The following MYT1L variants were observed in gnomAD, a reference collection of about 807,000 sequenced individuals.
MYT1L encodes myelin transcription factor 1-like protein.
Under a neutral mutation model 126.7 loss-of-function variants are expected in MYT1L, and 12 were observed. That is an observed-to-expected ratio of 0.09 (90% CI 0.06 to 0.15). The LOEUF (loss-of-function observed/expected upper bound fraction) is 0.15. Ranked by LOEUF, MYT1L falls within the 10% of genes least tolerant of loss-of-function variation. The pLI, the probability that MYT1L is intolerant of heterozygous loss-of-function variation, is 1.00. For missense variants in MYT1L, 979 were observed against 1,585.2 expected (o/e 0.62, Z 6.49); for synonymous variants, 541 against 604.2 (o/e 0.90, Z 1.53).
intron 8 of MYT1L, among the ~76,000 whole-genome samples, chr2:1,959,241 C>G (rs537958964): frequency 6.6e-6 from 1 of 152,322 alleles, no homozygotes; most frequent in African/African-American, 2.4e-5. Context: ...GATCATGCTC[C>G]TGGGCTTCCT....
At chr2:2,263,500 G>T (rs765154791) in intron 2 of MYT1L, among the ~76,000 whole-genome samples, 1 of 152,100 alleles carries the variant, frequency 6.6e-6, no homozygotes, top group Non-Finnish European at 1.5e-5. Flanking sequence ...TCCTAAAAAG[G>T]CCTTTTGCAC....
intron 8 of MYT1L, among the ~76,000 whole-genome samples, chr2:1,965,454 G>GGC (rs1268971979): frequency 7.1e-6 from 1 of 141,128 alleles, no homozygotes; most frequent in Admixed American, 7.1e-5. Context: ...GGAGGACTCA[G>GGC]ACTCTGTGAC....
chr2:1,886,171 C>T (rs971521808), intron 18 of MYT1L: 10 of 170,588 alleles, frequency 5.9e-5, no homozygotes, highest in African/African-American at 1.7e-4. Context: ...GTAAATACTG[C>T]TATGAATTTC....
chr2:2,015,108 G>T (rs985916216), intron 4 of MYT1L, among the ~76,000 whole-genome samples: 3 of 152,200 alleles, frequency 2.0e-5, no homozygotes, highest in Admixed American at 1.3e-4. Context: ...AGGTGTCCTG[G>T]TGTGGGATGA....
At chr2:2,267,357 T>C (rs1467987057) in intron 2 of MYT1L, among the ~76,000 whole-genome samples, 1 of 152,162 alleles carries the variant, frequency 6.6e-6, no homozygotes, top group African/African-American at 2.4e-5. Context: ...GTGGAGTGAA[T>C]TCCGAAGATC....
At chr2:1,854,301 TTAAAG>T (rs1368031982) in intron 18 of MYT1L, among the ~76,000 whole-genome samples, 2 of 152,180 alleles carry the variant, frequency 1.3e-5, no homozygotes, top group East Asian at 3.9e-4. Context: ...TGATTAGTCT[TTAAAG>T]TAGGGCTTTT....
chr2:1,808,800 G>A (rs888214956), intron 22 of MYT1L, among the ~76,000 whole-genome samples: 3 of 152,204 alleles, frequency 2.0e-5, no homozygotes, highest in African/African-American at 7.2e-5. Context: ...GGCACACTGG[G>A]GTTCCAGGGA....
chr2:2,310,214 C>A (rs1170788244), intron 1 of MYT1L, among the ~76,000 whole-genome samples: 2 of 150,658 alleles, frequency 1.3e-5, no homozygotes, highest in Non-Finnish European at 3.0e-5. Flanking sequence ...ATACTGTACC[C>A]ATACTCCAGT....
At chr2:2,113,011 G>A (rs2079670012) in intron 3 of MYT1L, among the ~76,000 whole-genome samples, 1 of 152,158 alleles carries the variant, frequency 6.6e-6, no homozygotes, top group South Asian at 2.1e-4. Context: ...TCAGCCACTG[G>A]GTGCTGCTGT....
chr2:2,010,780 A>G (rs543181327), intron 4 of MYT1L, among the ~76,000 whole-genome samples: 1 of 152,208 alleles, frequency 6.6e-6, no homozygotes, highest in Non-Finnish European at 1.5e-5. Flanking sequence ...CTACAAAGCA[A>G]CAGCAATCAA....
At chr2:2,152,226 G>C (rs968292640) in intron 3 of MYT1L, among the ~76,000 whole-genome samples, 1 of 152,264 alleles carries the variant, frequency 6.6e-6, no homozygotes, top group African/African-American at 2.4e-5. Flanking sequence ...CACTAGGGAC[G>C]AACTGCTGGG....
intron 3 of MYT1L, among the ~76,000 whole-genome samples, chr2:2,161,430 C>T (rs1020629130): frequency 6.6e-6 from 1 of 152,144 alleles, no homozygotes; most frequent in South Asian, 2.1e-4. Context: ...CAGAGTGACC[C>T]GTGCCTGCAC....
chr2:1,852,056 C>T lies in MYT1L; in HGVS notation c.2712-353G>A, dbSNP rs932055608. Among the ~76,000 whole-genome samples the T allele has an allele frequency of 6.6e-6, 1 of 152,202 alleles. No individual in the cohort carries two copies. Among genetic ancestry groups the T allele is most frequent in the Non-Finnish European group, 1.5e-5 (1 of 68,036 alleles). On this transcript the variant is annotated intron_variant, in intron 18 of 24. Transcript: ENST00000647738. This position sits in a 1 kb window ranked among gnomAD's most constrained non-coding sequence, Gnocchi z 4.0. Reference sequence around the variant, plus strand: ...GAGCCAGCAACCACAGGGCTTGTTACTGCACCAGCCCACGTGGGAAGCAAG... The same window carrying T: ...GAGCCAGCAACCACAGGGCTTGTTATTGCACCAGCCCACGTGGGAAGCAAG...
rs2042775877 is a variant in MYT1L, at chr2:1,848,309, G to C, written c.2774+3332C>G. Among the ~76,000 whole-genome samples, 1 of 51,662 alleles carries C rather than the reference G, an allele frequency of 1.9e-5. No individual in the cohort carries two copies. The highest frequency in any genetic ancestry group is 1.3e-4 in the African/African-American group (1 of 7,694). 33.9% of individuals were successfully genotyped at this position (51,662 alleles called of 152,430 possible). ...ACGGAAGCGCGAGGCATTTGTCCTG[G>C]GAGCAGGAGGAAGAATTCCAGACAC... On this transcript the variant is annotated intron_variant, in intron 19 of 24. Coordinates refer to ENST00000647738, the MANE Select transcript of MYT1L (RefSeq NM_001303052.2). This position sits in a 1 kb window ranked among gnomAD's most constrained non-coding sequence, Gnocchi z 4.8.
At chr2:2,164,590 C>T (rs980567793) in intron 3 of MYT1L, among the ~76,000 whole-genome samples, 5 of 152,172 alleles carry the variant, frequency 3.3e-5, no homozygotes, top group Admixed American at 1.3e-4. Flanking sequence ...CACAATGCCT[C>T]ACATAGGGTA....
intron 3 of MYT1L, among the ~76,000 whole-genome samples, chr2:2,077,488 C>T (rs769329068): frequency 6.6e-6 from 1 of 152,110 alleles, no homozygotes; most frequent in Non-Finnish European, 1.5e-5. Flanking sequence ...AACAAACAGA[C>T]ATGATTCAAT....
At chr2:2,252,163 A>G (rs1029757271) in intron 2 of MYT1L, among the ~76,000 whole-genome samples, 1 of 152,072 alleles carries the variant, frequency 6.6e-6, no homozygotes, top group Non-Finnish European at 1.5e-5. Context: ...GTCTCAGCCA[A>G]CTTTCCTGGC....
At chr2:2,026,681 C>T (rs959687110) in intron 4 of MYT1L, among the ~76,000 whole-genome samples, 4 of 152,202 alleles carry the variant, frequency 2.6e-5, no homozygotes, top group East Asian at 1.9e-4. Flanking sequence ...GCGGCCTCTG[C>T]CTGCCTCCCC....
At chr2:1,966,007 G>T (rs1005917084) in intron 8 of MYT1L, among the ~76,000 whole-genome samples, 1 of 152,274 alleles carries the variant, frequency 6.6e-6, no homozygotes, top group Non-Finnish European at 1.5e-5. Context: ...GGCTCTGCCT[G>T]CTGGCTCTGG....
Sources: allele counts gnomAD v4.1 joint callset (sites outside exome capture counted in the v4.1 genomes callset), GRCh38; gene constraint gnomAD v4.1.1; non-coding constraint Gnocchi (gnomAD v3.1); transcripts MANE v1.5; gene names NCBI Gene and HGNC (gene_info 2026-07-23, HGNC 2026-07-21).